OPCML: variants seen among roughly 807,000 people sequenced by gnomAD.
OPCML encodes opioid binding protein/cell adhesion molecule like.
Under a neutral mutation model 37.8 loss-of-function variants are expected in OPCML, and 13 were observed. That is an observed-to-expected ratio of 0.34 (90% CI 0.22 to 0.55). The LOEUF is 0.55. Among genes scored for constraint, OPCML ranks in the 20% least tolerant of loss-of-function variants. The probability of loss-of-function intolerance (pLI) is 0.91; values close to 1 mark genes in which losing one functional copy is unlikely to be tolerated. For synonymous variants in OPCML, 176 were observed against 168.8 expected, an observed-to-expected ratio of 1.04 and a Z score of -0.33; for missense variants, 341 against 435.6, an observed-to-expected ratio of 0.78 and a Z score of 1.93.
chr11:132,999,099 A>G (rs1048476718), intron 1 of OPCML, among the ~76,000 whole-genome samples: 9 of 152,112 alleles, frequency 5.9e-5, no homozygotes, highest in African/African-American at 2.2e-4. Context: ...AAAGTCCTAT[A>G]TTTCTTTAAA....
intron 1 of OPCML, among the ~76,000 whole-genome samples, chr11:133,147,968 C>T (rs1949921794): frequency 6.6e-6 from 1 of 152,192 alleles, no homozygotes; most frequent in African/African-American, 2.4e-5. Context: ...CATCTCTCAT[C>T]CCTCCCCACC....
intron 2 of OPCML, among the ~76,000 whole-genome samples, chr11:132,788,477 G>T (rs979409995): frequency 7.2e-5 from 11 of 152,080 alleles, no homozygotes; most frequent in Admixed American, 1.3e-4. Flanking sequence ...GCTAGTGAAG[G>T]ATTTCCATTA....
intron 3 of OPCML, among the ~76,000 whole-genome samples, chr11:132,609,312 G>A (rs1486815764): frequency 6.6e-6 from 1 of 152,138 alleles, no homozygotes; most frequent in Admixed American, 6.5e-5. Flanking sequence ...GACCATTTTG[G>A]TAGCTTGTCA....
intron 1 of OPCML, among the ~76,000 whole-genome samples, chr11:133,185,744 T>C (rs1938042408): frequency 6.6e-6 from 1 of 152,186 alleles, no homozygotes; most frequent in Non-Finnish European, 1.5e-5. Context: ...CTTTCTTTGG[T>C]GGGTCTGCAA....
intron 1 of OPCML, among the ~76,000 whole-genome samples, chr11:133,140,605 A>AAAG (rs1949765394): frequency 6.7e-6 from 1 of 148,654 alleles, no homozygotes. Context: ...AAGAAAGAAG[A>AAAG]AAGAGAAGAA....
chr11:133,315,818 T>C (rs1943192995), intron 1 of OPCML, among the ~76,000 whole-genome samples: 1 of 152,232 alleles, frequency 6.6e-6, no homozygotes, highest in Admixed American at 6.5e-5. Context: ...AAAGAATTCA[T>C]GTCCCTCTTC....
chr11:133,215,562 T>C (rs1424195173), intron 1 of OPCML, among the ~76,000 whole-genome samples: 1 of 152,142 alleles, frequency 6.6e-6, no homozygotes, highest in Non-Finnish European at 1.5e-5. Flanking sequence ...ACCTTTAGAT[T>C]GGTGAAAAGA....
chr11:132,823,715 C>T (rs920510296), intron 2 of OPCML, among the ~76,000 whole-genome samples: 1 of 152,138 alleles, frequency 6.6e-6, no homozygotes, highest in East Asian at 1.9e-4. Context: ...TATGCTTTGT[C>T]TCCACTTACT....
intron 1 of OPCML, among the ~76,000 whole-genome samples, chr11:133,166,884 T>C (rs1950215505): frequency 1.3e-5 from 2 of 152,242 alleles, no homozygotes; most frequent in South Asian, 4.1e-4. Flanking sequence ...GTTGGATCAC[T>C]GCCCTTGCAT....
Position 133,015,395 on chromosome 11 carries a change from T to TGAAGGAAGGAAGGAAGGAAG in OPCML, c.62-72405_62-72386dup, listed in dbSNP as rs1212156985. 1.8e-4 allele frequency among the ~76,000 whole-genome samples: 12 copies of TGAAGGAAGGAAGGAAGGAAG among 68,202 alleles called. 1 individual carries two copies. Among genetic ancestry groups the TGAAGGAAGGAAGGAAGGAAG allele is most frequent in the East Asian group, 7.7e-4 (2 of 2,586 alleles). The allele number at this position is 68,202 out of a possible 152,430, so 44.7% of individuals were successfully genotyped here. A position where few individuals can be genotyped will look rare whatever the true frequency, so the allele number is the denominator to read the frequency against. ...ATGAAGGAAGGAAGGAAGGAAGGAATGAAGGAAGGAAGGAAGGAAGGAAGG... is the reference window on the plus strand; with the variant it reads ...ATGAAGGAAGGAAGGAAGGAAGGAATGAAGGAAGGAAGGAAGGAAGGAAGGAAGGAAGGAAGGAAGGAAGG... On this transcript the variant is annotated intron_variant, in intron 1 of 7. Coordinates refer to ENST00000524381, the MANE Select transcript of OPCML (RefSeq NM_001012393.5).
intron 2 of OPCML, among the ~76,000 whole-genome samples, chr11:132,767,508 C>T (rs932352941): frequency 2.2e-4 from 34 of 152,324 alleles, no homozygotes; most frequent in East Asian, 1.4e-3. Context: ...CTGCATTACC[C>T]AGACTTCTCC....
chr11:133,219,462 A>T (rs1939721867), intron 1 of OPCML, among the ~76,000 whole-genome samples: 1 of 152,230 alleles, frequency 6.6e-6, no homozygotes, highest in Admixed American at 6.5e-5. Flanking sequence ...TTAATAAAAT[A>T]AAATTAAATA....
intron 1 of OPCML, among the ~76,000 whole-genome samples, chr11:133,077,690 T>C (rs1007673670): frequency 2.0e-5 from 3 of 152,062 alleles, no homozygotes; most frequent in Non-Finnish European, 4.4e-5. Flanking sequence ...TTGCAATGCA[T>C]AAAAACACCA....
intron 1 of OPCML, among the ~76,000 whole-genome samples, chr11:133,229,590 A>G (rs1014296110): frequency 6.6e-6 from 1 of 152,052 alleles, no homozygotes; most frequent in East Asian, 1.9e-4. Context: ...TCAAATTAAT[A>G]GGAAGACAAA....
chr11:132,474,509 CT>C (rs10709496), intron 4 of OPCML, among the ~76,000 whole-genome samples: 23,046 of 152,098 alleles, frequency 0.15, 2,403 homozygotes, highest in Non-Finnish European at 0.22. Context: ...GACATGCACC[CT>C]TTGCATCTGC....
At chr11:132,512,479 TAAAC>T (rs750679142) in intron 4 of OPCML, among the ~76,000 whole-genome samples, 28 of 151,784 alleles carry the variant, frequency 1.8e-4, no homozygotes, top group Middle Eastern at 3.4e-3. Context: ...GGCAAATGAG[TAAAC>T]AAACAGTGGT....
intron 2 of OPCML, among the ~76,000 whole-genome samples, chr11:132,708,332 A>G (rs1944119958): frequency 6.6e-6 from 1 of 152,214 alleles, no homozygotes. Context: ...CCCAACATAC[A>G]TACACTTTCT....
At chr11:133,398,725 T>A (rs1945339354) in intron 1 of OPCML, among the ~76,000 whole-genome samples, 1 of 152,082 alleles carries the variant, frequency 6.6e-6, no homozygotes, top group South Asian at 2.1e-4. Context: ...CCATGAAGGG[T>A]AAGAAACTCA....
intron 1 of OPCML, among the ~76,000 whole-genome samples, chr11:133,398,880 A>T (rs1945342388): frequency 6.6e-6 from 1 of 152,156 alleles, no homozygotes; most frequent in African/African-American, 2.4e-5. Context: ...TATTTCTCTC[A>T]TGTGAGTTGG....
Sources: allele counts gnomAD v4.1 joint callset (sites outside exome capture counted in the v4.1 genomes callset), GRCh38; gene constraint gnomAD v4.1.1; transcripts MANE v1.5; gene names NCBI Gene and HGNC (gene_info 2026-07-23, HGNC 2026-07-21).